Variants in PXN observed in about 807,000 individuals in gnomAD.
PXN encodes paxillin.
PXN carries 61 observed loss-of-function variants against 103.6 expected under a neutral mutation model. The observed-to-expected ratio is 0.59, with a 90% confidence interval of 0.48 to 0.73. The LOEUF (loss-of-function observed/expected upper bound fraction) is 0.73. Among genes scored for constraint, PXN ranks in the 30% least tolerant of loss-of-function variants. The pLI is 0.00. For synonymous variants in PXN, 562 were observed against 607.8 expected (o/e 0.92, Z 1.11); for missense variants, 1,274 against 1,460.3 (o/e 0.87, Z 2.08).
Position 120,224,919 on chromosome 12 carries a change from G to T in PXN, c.14-542C>A, listed in dbSNP as rs1377634831. Reference sequence around the variant, plus strand: ...AGCCCAGGCTCCAGGTTCCTCCTGAGGCTCTAGGCTTATGGGGTAAGGTGT... The same window carrying T: ...AGCCCAGGCTCCAGGTTCCTCCTGATGCTCTAGGCTTATGGGGTAAGGTGT... On this transcript the variant is annotated intron_variant, in intron 1 of 14. Transcript: ENST00000637617. The surrounding 1 kb of genome is among the most constrained non-coding windows in gnomAD (Gnocchi z 5.0). The T allele has an allele frequency of 2.8e-6, 1 of 357,676 alleles. No homozygotes were observed. The highest frequency in any genetic ancestry group is 2.1e-5 in the African/African-American group (1 of 46,792). The allele number at this position is 357,676 out of a possible 1,614,324, so 22.2% of individuals were successfully genotyped here. A position where few individuals can be genotyped will look rare whatever the true frequency, so the allele number is the denominator to read the frequency against.
At position 120,216,204 on chromosome 12, in the gene PXN, G is replaced by A; in HGVS notation, c.2301+69C>T. The A allele has an allele frequency of 7.9e-7, 1 of 1,269,680 alleles. No homozygotes were observed. The highest frequency in any genetic ancestry group is 9.9e-7 in the Non-Finnish European group (1 of 1,011,250). The allele number at this position is 1,269,680 out of a possible 1,614,324, so 78.7% of individuals were successfully genotyped here. A position where few individuals can be genotyped will look rare whatever the true frequency, so the allele number is the denominator to read the frequency against. On this transcript the variant is annotated intron_variant, in intron 9 of 14. Transcript: ENST00000637617. The surrounding 1 kb of genome is among the most constrained non-coding windows in gnomAD (Gnocchi z 5.1). ...TGTATGTGTGTGTGCACGTGTGTGTGTGCAGAGTGGGGGATGGCTCAGGCA... is the reference window on the plus strand; with the variant it reads ...TGTATGTGTGTGTGCACGTGTGTGTATGCAGAGTGGGGGATGGCTCAGGCA...
Position 120,224,241 on chromosome 12 carries a change from G to A in PXN, c.150C>T (p.Pro50=). The change falls in exon 2 of 15, where the codon CCC becomes CCT. Residue 50 remains proline, a synonymous_variant. Coordinates refer to ENST00000637617, the MANE Select transcript of PXN (RefSeq NM_001385981.1). The surrounding 1 kb of genome is among the most constrained non-coding windows in gnomAD (Gnocchi z 5.0). The stretch of plus-strand genomic sequence containing the variant: ...TGAGGGCCTCGCTGGACGGGGGTGG[G>A]GGGACGGGGGGTGGCACGGCAATCT... ...YQEIAVPPPV[P]PPPSSEALNG... The A allele has an allele frequency of 6.2e-7, 1 of 1,612,344 alleles. No individual in the cohort carries two copies. Among genetic ancestry groups the A allele is most frequent in the South Asian group, 1.1e-5 (1 of 91,052 alleles).
rs1384151011 is a variant in PXN, at chr12:120,211,584, T to A, written c.*730A>T. 4.7e-6 allele frequency: 1 copy of A among 213,754 alleles called. No homozygotes were observed. The highest frequency in any genetic ancestry group is 9.8e-6 in the Non-Finnish European group (1 of 102,260). 13.2% of individuals were successfully genotyped at this position (213,754 alleles called of 1,614,324 possible). ...TAAAAGCAACTCAGGCGATATGAAT[T>A]CAAACCTCAGTGTAGAAATCTATCA... On this transcript the variant is annotated 3_prime_UTR_variant, in exon 15 of 15. Transcript: ENST00000637617.
chr12:120,217,112 C>A lies in PXN; in HGVS notation c.1721G>T (p.Arg574Leu). The change falls in exon 8 of 15, where the codon CGA becomes CTA. Residue 574 changes from arginine (R) to leucine (L), a missense_variant. By Grantham distance (102) the Arg-to-Leu change is moderately radical (BLOSUM62 -2). Coordinates refer to ENST00000637617, the MANE Select transcript of PXN (RefSeq NM_001385981.1). The surrounding 1 kb of genome is among the most constrained non-coding windows in gnomAD (Gnocchi z 4.1). The part of the protein sequence containing the change: ...TERISTSGQI[R>L]SVIRRSWESG... The stretch of plus-strand genomic sequence containing the variant: ...CTCCCAGCTCCTCCTGATCACAGAT[C>A]GGATCTAGGGGGAGGGGGAGGGGAG... The A allele has an allele frequency of 6.3e-7, 1 of 1,584,068 alleles. No individual in the cohort carries two copies. The highest frequency in any genetic ancestry group is 1.1e-5 in the South Asian group (1 of 88,300).
intron 1 of PXN, among the ~76,000 whole-genome samples, chr12:120,262,158 G>GC (rs1196361956): frequency 6.6e-6 from 1 of 152,080 alleles, no homozygotes; most frequent in Non-Finnish European, 1.5e-5. Context: ...CAACTCCTCT[G>GC]CCCCCCTAGC....
chr12:120,250,145 A>G, intron 1 of PXN: 1 of 985,696 alleles, frequency 1.0e-6, no homozygotes, highest in Non-Finnish European at 1.2e-6. Context: ...CAGCCGAGCC[A>G]GGAGTACACA....
At chr12:120,247,904 T>C (rs1194620268) in intron 1 of PXN, 1 of 152,218 alleles carries the variant, frequency 6.6e-6, no homozygotes, top group Non-Finnish European at 1.5e-5. Flanking sequence ...ACAGGAATAT[T>C]ACCAGAGGTA....
At chr12:120,231,090 G>A (rs1887951393) in intron 1 of PXN, among the ~76,000 whole-genome samples, 1 of 152,218 alleles carries the variant, frequency 6.6e-6, no homozygotes, top group Non-Finnish European at 1.5e-5. Flanking sequence ...CGGAGGAGGG[G>A]AGCCAGGATG....
intron 1 of PXN, among the ~76,000 whole-genome samples, chr12:120,239,557 G>A (rs1179748975): frequency 2.0e-5 from 3 of 152,010 alleles, no homozygotes; most frequent in Non-Finnish European, 4.4e-5. Context: ...ACTCCAACCT[G>A]GGCAACAGAG....
Position 120,215,725 on chromosome 12 carries a change from C to T in PXN, c.2302-64G>A, listed in dbSNP as rs1356323237. The stretch of plus-strand genomic sequence containing the variant: ...TAAAAATTAAGAAAGAATACAAGAC[C>T]TTGTCACTGGACTAAAAGGGAATCT... On this transcript the variant is annotated intron_variant, in intron 9 of 14. Coordinates refer to ENST00000637617, the MANE Select transcript of PXN (RefSeq NM_001385981.1). The surrounding 1 kb of genome is among the most constrained non-coding windows in gnomAD (Gnocchi z 4.9). The T allele has an allele frequency of 1.1e-5, 16 of 1,490,934 alleles. No individual in the cohort carries two copies. Among genetic ancestry groups the T allele is most frequent in the Non-Finnish European group, 1.4e-5 (16 of 1,110,242 alleles). The allele number at this position is 1,490,934 out of a possible 1,614,324, so 92.4% of individuals were successfully genotyped here. A position where few individuals can be genotyped will look rare whatever the true frequency, so the allele number is the denominator to read the frequency against.
chr12:120,214,906 C>G lies in PXN; in HGVS notation c.2667G>C (p.Arg889=). ...CCTTTTCACAGTAGGGCTGTCCATC[C>G]CGCTCGAAGAAGTTCCGGGATCCGA... The part of the protein sequence containing the change: ...EEIGSRNFFE[R]DGQPYCEKDY... Residue 889 remains arginine, a synonymous_variant, in exon 12 of 15, where the codon CGG becomes CGC. Transcript: ENST00000637617. This position sits in a 1 kb window ranked among gnomAD's most constrained non-coding sequence, Gnocchi z 5.0. 3 of 1,614,018 alleles carry G rather than the reference C, an allele frequency of 1.9e-6. No individual in the cohort carries two copies. The highest frequency in any genetic ancestry group is 2.5e-6 in the Non-Finnish European group (3 of 1,179,876).
intron 1 of PXN, chr12:120,250,246 G>T: frequency 2.1e-6 from 2 of 960,386 alleles, no homozygotes; most frequent in Non-Finnish European, 1.2e-6. Context: ...GGAAACAGAG[G>T]GGGCAAAGCT....
intron 1 of PXN, among the ~76,000 whole-genome samples, chr12:120,252,351 T>C (rs1892326603): frequency 6.6e-6 from 1 of 152,160 alleles, no homozygotes; most frequent in South Asian, 2.1e-4. Context: ...GAAAGCCTAA[T>C]TTACACAGAT....
Position 120,228,985 on chromosome 12 carries a change from C to T in PXN, c.14-4608G>A, listed in dbSNP as rs960161526. Among the ~76,000 whole-genome samples the T allele has an allele frequency of 2.0e-5, 3 of 152,164 alleles. No homozygotes were observed. The highest frequency in any genetic ancestry group is 6.5e-5 in the Admixed American group (1 of 15,288). On this transcript the variant is annotated intron_variant, in intron 1 of 14. Transcript: ENST00000637617. The surrounding 1 kb of genome is among the most constrained non-coding windows in gnomAD (Gnocchi z 4.7). ...ACTGACTGAGCGTAATCCTTACAAC[C>T]GGTGGGAGCCGCTGGAGGGTTAAGG...
intron 1 of PXN, among the ~76,000 whole-genome samples, chr12:120,245,732 G>A (rs1287498504): frequency 6.8e-6 from 1 of 147,612 alleles, no homozygotes; most frequent in African/African-American, 2.5e-5. Context: ...AGCTTTCAGT[G>A]AGCCGAGATC....
Position 120,219,322 on chromosome 12 carries a change from C to T in PXN, c.1601G>A (p.Ser534Asn), listed in dbSNP as rs757213292. The change falls in exon 7 of 15, where the codon AGC becomes AAC. Residue 534 changes from serine (S) to asparagine (N), a missense_variant. Ser to Asn is a conservative substitution (Grantham distance 46). Around this residue, in one of 2 missense-constraint regions of PXN, gnomAD observed 1,178 missense variants for 1,309.0 expected, o/e 0.90. Coordinates refer to ENST00000637617, the MANE Select transcript of PXN (RefSeq NM_001385981.1). This position sits in a 1 kb window ranked among gnomAD's most constrained non-coding sequence, Gnocchi z 6.5. ...RPTQGPETPRSPEGTTEAATQ... is the reference protein window; with the variant it reads ...RPTQGPETPRNPEGTTEAATQ... The stretch of plus-strand genomic sequence containing the variant: ...GGCAGCTTCCGTGGTGCCCTCTGGG[C>T]TCCTTGGGGTTTCAGGTCCCTGGGT... 3.3e-5 allele frequency: 52 copies of T among 1,598,330 alleles called. No individual in the cohort carries two copies. Among genetic ancestry groups the T allele is most frequent in the Non-Finnish European group, 4.2e-5 (50 of 1,179,818 alleles).
In PXN at chr12:120,222,497, G is replaced by C; in HGVS notation, c.695+52C>G. The C allele has an allele frequency of 6.6e-7, 1 of 1,522,850 alleles. No homozygotes were observed. The highest frequency in any genetic ancestry group is 8.8e-7 in the Non-Finnish European group (1 of 1,130,078). 94.3% of individuals were successfully genotyped at this position (1,522,850 alleles called of 1,614,324 possible). ...CTAAGGGGACAGACACTGGACCCGG[G>C]GCAGGCTGGGCCAGCCCTTCCCCAC... On this transcript the variant is annotated intron_variant, in intron 5 of 14. Transcript: ENST00000637617. The surrounding 1 kb of genome is among the most constrained non-coding windows in gnomAD (Gnocchi z 4.7).
rs553635725 is a variant in PXN at position 120,224,314 on chromosome 12, G to A, written c.77C>T (p.Ser26Leu). Reference sequence around the variant, plus strand: ...TGGGTATGAGTAGGGGGTCTCCTCCGACAAGAACACAGGCCGTTTGGAGAT... The same window carrying A: ...TGGGTATGAGTAGGGGGTCTCCTCCAACAAGAACACAGGCCGTTTGGAGAT... Reference protein sequence around the residue: ...SHISKRPVFLSEETPYSYPTG... With the variant: ...SHISKRPVFLLEETPYSYPTG... Residue 26 changes from serine to leucine, a missense_variant, in exon 2 of 15, where the codon TCG (serine) becomes TTG (leucine). Transcript: ENST00000637617. The surrounding 1 kb of genome is among the most constrained non-coding windows in gnomAD (Gnocchi z 5.0). 3.6e-5 allele frequency: 58 copies of A among 1,613,968 alleles called. 2 individuals are homozygous for A. The South Asian group carries it at 4.8e-4, about 13-fold the overall frequency.
At position 120,217,090 on chromosome 12, in the gene PXN, C is replaced by G; in HGVS notation, c.1743G>C (p.Trp581Cys). 1 of 1,590,628 alleles carries G rather than the reference C, an allele frequency of 6.3e-7. No homozygotes were observed. Among genetic ancestry groups the G allele is most frequent in the Non-Finnish European group, 8.5e-7 (1 of 1,176,890 alleles). Reference protein sequence around the residue: ...GQIRSVIRRSWESGHAHPMSR... With the variant: ...GQIRSVIRRSCESGHAHPMSR... ...ACATGGGGTGTGCGTGGCCAGACTCCCAGCTCCTCCTGATCACAGATCGGA... is the reference window on the plus strand; with the variant it reads ...ACATGGGGTGTGCGTGGCCAGACTCGCAGCTCCTCCTGATCACAGATCGGA... Residue 581 changes from tryptophan to cysteine, a missense_variant, in exon 8 of 15, where the codon TGG becomes TGC. Trp to Cys is a radical substitution (Grantham distance 215, BLOSUM62 -2). Around this residue, in one of 2 missense-constraint regions of PXN, gnomAD observed 1,178 missense variants for 1,309.0 expected, o/e 0.90. Coordinates refer to ENST00000637617, the MANE Select transcript of PXN (RefSeq NM_001385981.1). This position sits in a 1 kb window ranked among gnomAD's most constrained non-coding sequence, Gnocchi z 4.1.
Sources: gnomAD v4.1 joint callset for allele counts (sites outside exome capture counted in the v4.1 genomes callset) on GRCh38, gnomAD v4.1.1 for gene constraint, gnomAD v4.1.1 regional missense constraint, Gnocchi (gnomAD v3.1) non-coding constraint, MANE v1.5 for transcripts, NCBI Gene and HGNC (gene_info 2026-07-23, HGNC 2026-07-21) for gene names.